Variants in ANKS1B observed in about 807,000 individuals in gnomAD.
The protein encoded by ANKS1B is ankyrin repeat and sterile alpha motif domain-containing protein 1B.
Under a neutral mutation model 148.3 loss-of-function variants are expected in ANKS1B, and 36 were observed. The ratio of observed to expected loss-of-function variants is 0.24; its 90% confidence interval spans 0.19 to 0.32. The LOEUF (loss-of-function observed/expected upper bound fraction) is 0.32. ANKS1B is among the 10% of genes least tolerant of loss of function. The pLI is 1.00. For missense variants in ANKS1B, 1,157 were observed against 1,542.6 expected (o/e 0.75, Z 4.19); for synonymous variants, 542 against 560.8 (o/e 0.97, Z 0.47).
At chr12:99,082,233 A>T (rs1297348876) in intron 16 of ANKS1B, among the ~76,000 whole-genome samples, 2 of 152,156 alleles carry the variant, frequency 1.3e-5, no homozygotes, top group East Asian at 3.8e-4. Context: ...GCAAATAAAT[A>T]ATATAACTTC....
chr12:99,168,439 A>C (rs1435097919), intron 14 of ANKS1B, among the ~76,000 whole-genome samples: 1 of 152,034 alleles, frequency 6.6e-6, no homozygotes, highest in Non-Finnish European at 1.5e-5. Flanking sequence ...GAATCACTTG[A>C]ACCTGGGAGG....
intron 12 of ANKS1B, among the ~76,000 whole-genome samples, chr12:99,290,296 A>AAAAAAGGCG (rs1276797649): frequency 6.6e-6 from 1 of 151,530 alleles, no homozygotes; most frequent in East Asian, 1.9e-4. Context: ...AAAAAAAAAA[A>AAAAAAGGCG]AAAAAGGCGT....
At chr12:99,156,047 T>A (rs982345741) in intron 14 of ANKS1B, among the ~76,000 whole-genome samples, 1 of 152,192 alleles carries the variant, frequency 6.6e-6, no homozygotes, top group Non-Finnish European at 1.5e-5. Flanking sequence ...TACAAATTTA[T>A]TGAATAAATG....
At chr12:99,198,083 CCTT>C (rs2081601584) in intron 14 of ANKS1B, among the ~76,000 whole-genome samples, 1 of 152,128 alleles carries the variant, frequency 6.6e-6, no homozygotes, top group Non-Finnish European at 1.5e-5. Flanking sequence ...AGGTTTCACT[CCTT>C]CTCTAAAGCC....
At chr12:99,771,160 G>A (rs958094191) in intron 8 of ANKS1B, among the ~76,000 whole-genome samples, 4 of 152,002 alleles carry the variant, frequency 2.6e-5, no homozygotes, top group African/African-American at 9.7e-5. Flanking sequence ...GATATTCATT[G>A]GGTAAACGAA....
Position 99,733,020 on chromosome 12 carries a change from T to TA in ANKS1B, c.1128+39901dup, listed in dbSNP as rs34200797. On this transcript the variant is annotated intron_variant, in intron 8 of 26. Coordinates refer to ENST00000683438, the MANE Select transcript of ANKS1B (RefSeq NM_001352186.2). ...AAGAGTGTTATTGTTCCTTGCTCAT[T>TA]AAAAAAAAAAAGAGCAAGAGCTTGT... Among the ~76,000 whole-genome samples, 733 of 148,374 alleles carry TA rather than the reference T, an allele frequency of 4.9e-3. 1 individual carries two copies. Among genetic ancestry groups the TA allele is most frequent in the Non-Finnish European group, 7.2e-3 (479 of 66,786 alleles).
At chr12:99,160,843 G>T (rs75412278) in intron 14 of ANKS1B, among the ~76,000 whole-genome samples, 2,326 of 152,202 alleles carry the variant, frequency 0.015, 49 homozygotes, top group African/African-American at 0.054. Context: ...ATATCAGGTG[G>T]CTGTAGGTGT....
At chr12:99,649,208 TTC>T in intron 9 of ANKS1B, 1 of 1,094,876 alleles carries the variant, frequency 9.1e-7, no homozygotes, top group South Asian at 1.3e-5. Context: ...GTGCAATAAT[TTC>T]TTTTTGTTGT....
At chr12:99,193,344 C>G (rs1232360595) in intron 14 of ANKS1B, among the ~76,000 whole-genome samples, 1 of 152,172 alleles carries the variant, frequency 6.6e-6, no homozygotes, top group Admixed American at 6.6e-5. Context: ...GAACCTCACA[C>G]CACACAGGTC....
rs1350503081 is a variant in ANKS1B at position 99,225,095 on chromosome 12, C to T, written c.2419+19247G>A. Among the ~76,000 whole-genome samples, 8 of 152,134 alleles carry T rather than the reference C, an allele frequency of 5.3e-5. No individual in the cohort carries two copies. In the East Asian group the frequency reaches 1.3e-3, roughly 26 times the overall value. On this transcript the variant is annotated intron_variant, in intron 14 of 26. Transcript: ENST00000683438. ...CAGTAGAAAAGTCTTTACAGAAGCA[C>T]TACTTATCACTGTATACCTGGCTAT...
chr12:99,580,355 A>G (rs1449283891), intron 9 of ANKS1B, among the ~76,000 whole-genome samples: 1 of 152,154 alleles, frequency 6.6e-6, no homozygotes, highest in African/African-American at 2.4e-5. Flanking sequence ...AAGTTGAAAG[A>G]GAAAAAAAAT....
intron 12 of ANKS1B, among the ~76,000 whole-genome samples, chr12:99,363,682 A>T (rs1258889492): frequency 6.6e-6 from 1 of 152,080 alleles, no homozygotes; most frequent in African/African-American, 2.4e-5. Context: ...TAAGCTTCCG[A>T]CCTCCAAAAA....
At chr12:99,797,739 A>G (rs2066424935) in intron 4 of ANKS1B, among the ~76,000 whole-genome samples, 1 of 151,976 alleles carries the variant, frequency 6.6e-6, no homozygotes, top group African/African-American at 2.4e-5. Context: ...TATATATGTT[A>G]ACATCAATAA....
chr12:98,843,219 G>A (rs1246699111), intron 17 of ANKS1B, among the ~76,000 whole-genome samples: 3 of 152,220 alleles, frequency 2.0e-5, no homozygotes, highest in Non-Finnish European at 4.4e-5. Context: ...GGAGATATCT[G>A]GGTCATGAGG....
intron 12 of ANKS1B, among the ~76,000 whole-genome samples, chr12:99,270,153 A>G (rs1476586941): frequency 6.6e-6 from 1 of 152,192 alleles, no homozygotes; most frequent in African/African-American, 2.4e-5. Flanking sequence ...TCCAAGACAT[A>G]ACTTTGAAAT....
rs78655346 is a variant in ANKS1B at position 99,004,624 on chromosome 12, C to T, written c.2778+48533G>A. Among the ~76,000 whole-genome samples, 384 of 143,440 alleles carry T rather than the reference C, an allele frequency of 2.7e-3. 12 individuals are homozygous for T. The East Asian group carries it at 0.049, about 18-fold the overall frequency. 94.1% of individuals were successfully genotyped at this position (143,440 alleles called of 152,430 possible). ...GGAGAAATGAGAGGAAGGTGGGGTGCGGGGAAGGAGGCAGGGCTAAAGTGG... is the reference window on the plus strand; with the variant it reads ...GGAGAAATGAGAGGAAGGTGGGGTGTGGGGAAGGAGGCAGGGCTAAAGTGG... On this transcript the variant is annotated intron_variant, in intron 17 of 26. Transcript: ENST00000683438.
At chr12:99,529,554 G>A (rs2096966033) in intron 9 of ANKS1B, among the ~76,000 whole-genome samples, 1 of 152,138 alleles carries the variant, frequency 6.6e-6, no homozygotes, top group Non-Finnish European at 1.5e-5. Flanking sequence ...TTGGGAGGCT[G>A]AGGGAGGAGA....
At chr12:99,413,632 A>G (rs1287051669) in intron 11 of ANKS1B, among the ~76,000 whole-genome samples, 1 of 152,248 alleles carries the variant, frequency 6.6e-6, no homozygotes, top group Admixed American at 6.5e-5. Context: ...AGAGAAAGGC[A>G]GAAAATTTTT....
chr12:99,869,732 T>C (rs1415506427), intron 1 of ANKS1B, among the ~76,000 whole-genome samples: 1 of 151,832 alleles, frequency 6.6e-6, no homozygotes, highest in Non-Finnish European at 1.5e-5. Context: ...AATGATCTTT[T>C]CAACAAGTGG....
Sources: allele counts gnomAD v4.1 joint callset (sites outside exome capture counted in the v4.1 genomes callset), GRCh38; gene constraint gnomAD v4.1.1; transcripts MANE v1.5; gene names NCBI Gene and HGNC (gene_info 2026-07-23, HGNC 2026-07-21).